Variants in TBC1D22A observed in about 807,000 individuals in gnomAD.
TBC1D22A encodes the protein TBC1 domain family member 22A.
In TBC1D22A, 38 loss-of-function variants were observed where a neutral mutation model predicts 60.2. The observed-to-expected ratio is 0.63, with a 90% CI of 0.49 to 0.83. The LOEUF is 0.83. Ranked by LOEUF, TBC1D22A falls within the 40% of genes least tolerant of loss-of-function variation. TBC1D22A has a pLI of 0.00. For synonymous variants in TBC1D22A, 302 were observed against 281.7 expected (o/e 1.07, Z -0.72); for missense variants, 628 against 701.0 (o/e 0.90, Z 1.18).
At chr22:47,126,946 G>A (rs916869214) in intron 12 of TBC1D22A, among the ~76,000 whole-genome samples, 14 of 152,212 alleles carry the variant, frequency 9.2e-5, no homozygotes, top group South Asian at 2.1e-4. Flanking sequence ...GATGATGGAC[G>A]GAGGAGAGGC....
chr22:46,870,725 C>T (rs934781470), intron 4 of TBC1D22A, among the ~76,000 whole-genome samples: 5 of 152,156 alleles, frequency 3.3e-5, no homozygotes, highest in Non-Finnish European at 5.9e-5. Flanking sequence ...CTTGCTGTGT[C>T]ATCACATGGT....
intron 10 of TBC1D22A, among the ~76,000 whole-genome samples, chr22:47,036,609 G>A (rs1312949611): frequency 6.6e-6 from 1 of 152,222 alleles, no homozygotes; most frequent in South Asian, 2.1e-4. Context: ...CAACGGTTGG[G>A]TCCAGGCATA....
intron 11 of TBC1D22A, among the ~76,000 whole-genome samples, chr22:47,044,932 C>T (rs1183094414): frequency 6.6e-6 from 1 of 152,206 alleles, no homozygotes; most frequent in African/African-American, 2.4e-5. Flanking sequence ...CCCCTGCAGG[C>T]CTGGCGTGCT....
chr22:47,126,789 C>A (rs2066474786), intron 12 of TBC1D22A, among the ~76,000 whole-genome samples: 1 of 152,182 alleles, frequency 6.6e-6, no homozygotes, highest in East Asian at 1.9e-4. Context: ...ACTGGGGGCA[C>A]CCAGGGAAAT....
intron 12 of TBC1D22A, among the ~76,000 whole-genome samples, chr22:47,118,922 C>T (rs1202417147): frequency 1.3e-5 from 2 of 152,300 alleles, no homozygotes; most frequent in Non-Finnish European, 2.9e-5. Context: ...AAGGCCGAGG[C>T]GCGTGATCAT....
chr22:47,108,942 G>A (rs1249433583), intron 11 of TBC1D22A, among the ~76,000 whole-genome samples: 8 of 152,306 alleles, frequency 5.3e-5, no homozygotes, highest in Middle Eastern at 3.4e-3. Flanking sequence ...TGATCCGCCC[G>A]CTTCGGCCTT....
intron 7 of TBC1D22A, among the ~76,000 whole-genome samples, chr22:46,897,318 A>G (rs982676162): frequency 2.6e-5 from 4 of 152,162 alleles, no homozygotes; most frequent in South Asian, 2.1e-4. Flanking sequence ...TGTACACCCT[A>G]TGTAAATGAA....
chr22:46,904,425 C>G (rs1203720312), intron 7 of TBC1D22A, among the ~76,000 whole-genome samples: 6 of 152,018 alleles, frequency 3.9e-5, no homozygotes, highest in African/African-American at 7.3e-5. Context: ...GTGCTCTCAG[C>G]CGCGAGTGCT....
chr22:46,859,024 A>C lies in TBC1D22A; in HGVS notation c.638-19629A>C, dbSNP rs546482686. Among the ~76,000 whole-genome samples, 57 of 127,820 alleles carry C rather than the reference A, an allele frequency of 4.5e-4. 1 individual carries two copies. The highest frequency in any genetic ancestry group is 1.6e-3 in the African/African-American group (56 of 34,352). The allele number at this position is 127,820 out of a possible 152,430, so 83.9% of individuals were successfully genotyped here. A position where few individuals can be genotyped will look rare whatever the true frequency, so the allele number is the denominator to read the frequency against. On this transcript the variant is annotated intron_variant, in intron 4 of 12. Coordinates refer to ENST00000337137, the MANE Select transcript of TBC1D22A (RefSeq NM_014346.5). ...CCGGGACCAGAATCCTTTTCGATAG[A>C]GGTCCGCGCAGTGCTGTGCCCCTTC... is the stretch of plus-strand genomic sequence containing the variant.
chr22:47,111,724 C>A, intron 12 of TBC1D22A, 121 bp downstream of exon 12: 1 of 834,796 alleles, frequency 1.2e-6, no homozygotes, highest in Non-Finnish European at 1.9e-6. Context: ...CTGCATTTCG[C>A]CGCTGACCTC....
At chr22:46,829,843 T>G (rs2086232962) in intron 4 of TBC1D22A, among the ~76,000 whole-genome samples, 1 of 152,114 alleles carries the variant, frequency 6.6e-6, no homozygotes, top group African/African-American at 2.4e-5. Flanking sequence ...CAGTGCCGCG[T>G]GAAACAATTT....
chr22:47,014,892 G>A (rs1026816255), intron 10 of TBC1D22A, among the ~76,000 whole-genome samples: 8 of 152,218 alleles, frequency 5.3e-5, no homozygotes, highest in South Asian at 2.1e-4. Flanking sequence ...CTTGGGACAC[G>A]CCCAGCTACC....
intron 8 of TBC1D22A, among the ~76,000 whole-genome samples, chr22:46,917,766 C>T (rs1258543499): frequency 6.6e-6 from 1 of 151,846 alleles, no homozygotes; most frequent in African/African-American, 2.4e-5. Flanking sequence ...TGCAGCGGGT[C>T]ACAGGATCCA....
intron 7 of TBC1D22A, among the ~76,000 whole-genome samples, chr22:46,904,150 C>CCTACCTACCTACCTACCTAT (rs2069263909): frequency 1.3e-5 from 1 of 74,892 alleles, no homozygotes; most frequent in Admixed American, 1.4e-4. Context: ...TATCTACCTA[C>CCTACCTACCTACCTACCTAT]CTACCTACCT....
intron 4 of TBC1D22A, among the ~76,000 whole-genome samples, chr22:46,874,770 C>T (rs1441432538): frequency 6.6e-6 from 1 of 151,904 alleles, no homozygotes; most frequent in East Asian, 1.9e-4. Context: ...GATGGGATTT[C>T]ACCATGTTGC....
chr22:47,172,985 T>C (rs1197724379), intron 12 of TBC1D22A, among the ~76,000 whole-genome samples: 1 of 152,270 alleles, frequency 6.6e-6, no homozygotes, highest in African/African-American at 2.4e-5. Flanking sequence ...CACAGAAATC[T>C]GTGCTTAGTG....
chr22:46,792,825 G>A (rs1049555101), intron 2 of TBC1D22A: 2 of 1,439,518 alleles, frequency 1.4e-6, no homozygotes, highest in Admixed American at 2.8e-5. Context: ...CCTGGGGAGA[G>A]CCAGGAGCTG....
chr22:47,014,710 G>A (rs550401873), intron 10 of TBC1D22A, among the ~76,000 whole-genome samples: 1 of 145,950 alleles, frequency 6.9e-6, no homozygotes, highest in South Asian at 2.4e-4. Context: ...TTGGAGTCAG[G>A]ATTGGAGCTT....
intron 8 of TBC1D22A, among the ~76,000 whole-genome samples, chr22:46,969,124 A>G (rs2148104318): frequency 6.6e-6 from 1 of 152,212 alleles, no homozygotes; most frequent in East Asian, 1.9e-4. Context: ...CAAGGGGAGT[A>G]CCACCACCCG....
Sources: allele counts gnomAD v4.1 joint callset (sites outside exome capture counted in the v4.1 genomes callset), GRCh38; gene constraint gnomAD v4.1.1; transcripts MANE v1.5; gene names NCBI Gene and HGNC (gene_info 2026-07-23, HGNC 2026-07-21).